Variants in RREB1 observed in about 807,000 individuals in gnomAD.
The protein encoded by RREB1 is ras-responsive element-binding protein 1.
Under a neutral mutation model 117.8 loss-of-function variants are expected in RREB1, and 27 were observed. The ratio of observed to expected loss-of-function variants is 0.23; its 90% CI spans 0.17 to 0.32. The LOEUF (loss-of-function observed/expected upper bound fraction) is 0.32, where lower values mean the gene tolerates loss of function less well. RREB1 is among the 10% of genes least tolerant of loss of function. RREB1 has a pLI of 1.00. For missense variants in RREB1, 2,577 were observed against 2,378.2 expected (o/e 1.08, Z -1.74); for synonymous variants, 1,298 against 1,026.7 (o/e 1.26, Z -5.05).
At chr6:7,117,213 T>G (rs1485560028) in intron 1 of RREB1, among the ~76,000 whole-genome samples, 1 of 152,022 alleles carries the variant, frequency 6.6e-6, no homozygotes, top group African/African-American at 2.4e-5. Context: ...TTAAGGGAGC[T>G]CCCTTTATTC....
In RREB1 at chr6:7,231,078, G is replaced by C. The variant is rs756968631; in HGVS notation, c.2979G>C (p.Met993Ile). Residue 993 changes from methionine (M) to isoleucine (I), a missense_variant, in exon 10 of 13, where the codon ATG (methionine) becomes ATC (isoleucine). By Grantham distance (10) the Met-to-Ile change is conservative. Transcript: ENST00000379938. ...LGPSGILESP[M>I]APAPAATPEP... ...CCAGCGGAATCCTGGAAAGCCCCAT[G>C]GCCCCTGCTCCGGCGGCCACCCCGG... The C allele has an allele frequency of 1.2e-6, 2 of 1,613,546 alleles. No individual in the cohort carries two copies. The highest frequency in any genetic ancestry group is 4.5e-5 in the East Asian group (2 of 44,854).
At chr6:7,150,506 A>G (rs556745521) in intron 1 of RREB1, among the ~76,000 whole-genome samples, 4 of 152,348 alleles carry the variant, frequency 2.6e-5, no homozygotes, top group Non-Finnish European at 4.4e-5. Context: ...CATGGCAGCT[A>G]TACCTCCTGA....
intron 1 of RREB1, among the ~76,000 whole-genome samples, chr6:7,141,833 CGGGCCAGGAAGCA>C (rs1762608899): frequency 6.6e-6 from 1 of 152,230 alleles, no homozygotes; most frequent in South Asian, 2.1e-4. Flanking sequence ...GCCGGGTGGC[CGGGCCAGGAAGCA>C]GGGCCTTTCT....
rs765635104 is a variant in RREB1 at position 7,229,718 on chromosome 6, C to T, written c.1619C>T (p.Pro540Leu). The change falls in exon 10 of 13, where the codon CCC (proline) becomes CTC (leucine). Residue 540 changes from proline (P) to leucine (L), a missense_variant. Transcript: ENST00000379938. This position sits in a 1 kb window ranked among gnomAD's most constrained non-coding sequence, Gnocchi z 4.5. ...AQQASPGCIS[P>L]SLPPPPLKLL... is the part of the protein sequence containing the mutation. ...CAGGCTTCCCCGGGCTGTATCAGCC[C>T]CAGCCTGCCGCCACCGCCCCTGAAG... 1.5e-5 allele frequency: 24 copies of T among 1,603,218 alleles called. No homozygotes were observed. The highest frequency in any genetic ancestry group is 2.0e-5 in the Non-Finnish European group (23 of 1,173,556).
intron 1 of RREB1, among the ~76,000 whole-genome samples, chr6:7,163,587 G>C (rs190372222): frequency 6.6e-6 from 1 of 152,016 alleles, no homozygotes; most frequent in African/African-American, 2.4e-5. Context: ...GTAGAGATGG[G>C]GTTTCACCGT....
chr6:7,232,502 T>C (rs1768060698), intron 10 of RREB1, among the ~76,000 whole-genome samples: 2 of 152,166 alleles, frequency 1.3e-5, no homozygotes, highest in Non-Finnish European at 2.9e-5. Context: ...TGAGTGGTGG[T>C]AGAATGTTTT....
intron 1 of RREB1, among the ~76,000 whole-genome samples, chr6:7,163,548 C>G (rs758482968): frequency 6.6e-6 from 1 of 152,136 alleles, no homozygotes; most frequent in Non-Finnish European, 1.5e-5. Context: ...CCCGCCACCA[C>G]GCCCGGCTAA....
intron 8 of RREB1, among the ~76,000 whole-genome samples, chr6:7,223,987 T>C (rs1327839496): frequency 6.6e-6 from 1 of 152,174 alleles, no homozygotes; most frequent in African/African-American, 2.4e-5. Flanking sequence ...ATAGTCTCTG[T>C]GGAAACTTAT....
intron 1 of RREB1, among the ~76,000 whole-genome samples, chr6:7,139,645 AAG>A (rs1306886904): frequency 2.0e-5 from 3 of 152,230 alleles, no homozygotes; most frequent in Non-Finnish European, 4.4e-5. Context: ...CTTCAAAAAA[AAG>A]TATGAGAATA....
chr6:7,201,848 G>T (rs1766003933), intron 6 of RREB1, among the ~76,000 whole-genome samples: 1 of 152,272 alleles, frequency 6.6e-6, no homozygotes, highest in East Asian at 1.9e-4. Flanking sequence ...CTGCCATGCT[G>T]CAGGTTCTTC....
chr6:7,236,887 G>GTTTTTTTTT lies in RREB1; in HGVS notation c.3809-3534_3809-3526dup, dbSNP rs869133214. Among the ~76,000 whole-genome samples, 10 of 63,422 alleles carry GTTTTTTTTT rather than the reference G, an allele frequency of 1.6e-4. 1 individual carries two copies. Among genetic ancestry groups the GTTTTTTTTT allele is most frequent in the Admixed American group, 4.9e-4 (2 of 4,074 alleles). The allele number at this position is 63,422 out of a possible 152,430, so 41.6% of individuals were successfully genotyped here. Reference sequence around the variant, plus strand: ...TAATTTTTTTTGTTTGTTTTTGGAGGTTTTTTTTTTTTTTTTTTTTTTTTT... The same window carrying GTTTTTTTTT: ...TAATTTTTTTTGTTTGTTTTTGGAGGTTTTTTTTTTTTTTTTTTTTTTTTTTTTTTTTTT... On this transcript the variant is annotated intron_variant, in intron 10 of 12. Transcript: ENST00000379938.
In RREB1 at chr6:7,229,500, G is replaced by A. The variant is rs545128947; in HGVS notation, c.1401G>A (p.Leu467=). 1 of 1,614,132 alleles carries A rather than the reference G, an allele frequency of 6.2e-7. No homozygotes were observed. Among genetic ancestry groups the A allele is most frequent in the Admixed American group, 1.7e-5 (1 of 60,026 alleles). The change falls in exon 10 of 13, where the codon CTG becomes CTA. Residue 467 remains leucine (L), a synonymous_variant. Transcript: ENST00000379938. The surrounding 1 kb of genome is among the most constrained non-coding windows in gnomAD (Gnocchi z 4.5). Reference sequence around the variant, plus strand: ...TCTCTGGCGAGTCGGCCATCGAGCTGGCAGACATCCAGCAAATTCTGAAGA... The same window carrying A: ...TCTCTGGCGAGTCGGCCATCGAGCTAGCAGACATCCAGCAAATTCTGAAGA... ...KPISGESAIE[L]ADIQQILKMA...
intron 8 of RREB1, 88 bp from the exon 9 acceptor site, chr6:7,226,379 T>G (rs768726191): frequency 5.3e-6 from 5 of 936,744 alleles, no homozygotes; most frequent in Non-Finnish European, 7.7e-6. Flanking sequence ...AACAAAAACT[T>G]AAGTCTGGAA....
At chr6:7,131,001 C>T (rs1391803308) in intron 1 of RREB1, among the ~76,000 whole-genome samples, 3 of 137,336 alleles carry the variant, frequency 2.2e-5, no homozygotes, top group African/African-American at 8.4e-5. Context: ...GTCAGTGGCG[C>T]GATCTCGGCT....
At chr6:7,118,277 C>T (rs1004538254) in intron 1 of RREB1, among the ~76,000 whole-genome samples, 2 of 152,160 alleles carry the variant, frequency 1.3e-5, no homozygotes, top group African/African-American at 4.8e-5. Flanking sequence ...CATGCCACCA[C>T]ACCTGGCTAA....
chr6:7,169,007 A>G (rs904834189), intron 1 of RREB1, among the ~76,000 whole-genome samples: 11 of 147,704 alleles, frequency 7.4e-5, no homozygotes, highest in Non-Finnish European at 1.1e-4. Flanking sequence ...TTAGTGCCCT[A>G]GGTTATCAGG....
intron 12 of RREB1, 87 bp from the exon 13 acceptor site, chr6:7,248,424 G>A: frequency 8.5e-7 from 1 of 1,179,034 alleles, no homozygotes; most frequent in South Asian, 1.4e-5. Flanking sequence ...CACATAGCCT[G>A]GGAGCCTCAT....
chr6:7,180,223 C>G (rs1349580980), intron 2 of RREB1, among the ~76,000 whole-genome samples: 1 of 152,174 alleles, frequency 6.6e-6, no homozygotes, highest in Non-Finnish European at 1.5e-5. Context: ...AAGACAAGTG[C>G]TTTCCCTAAG....
Position 7,246,620 on chromosome 6 carries a change from G to A in RREB1, c.4170G>A (p.Pro1390=), listed in dbSNP as rs143507762. 862 of 1,566,058 alleles carry A rather than the reference G, an allele frequency of 5.5e-4. 23 individuals carry two copies. The East Asian group carries it at 0.02, about 37-fold the overall frequency. The change falls in exon 12 of 13, where the codon CCG becomes CCA. Residue 1390 remains proline, a synonymous_variant. Coordinates refer to ENST00000379938, the MANE Select transcript of RREB1 (RefSeq NM_001003699.4). ...ACGGGCGTGGGGAGAGCCATGAGCC[G>A]GAGGAGGAGCATGGCACTGAGGAGA... ...EEHGRGESHE[P]EEEHGTEEST...
Sources: gnomAD v4.1 joint callset for allele counts (sites outside exome capture counted in the v4.1 genomes callset) on GRCh38, gnomAD v4.1.1 for gene constraint, Gnocchi (gnomAD v3.1) non-coding constraint, MANE v1.5 for transcripts, NCBI Gene and HGNC (gene_info 2026-07-23, HGNC 2026-07-21) for gene names.